Variants in SYCE2 observed in about 807,000 individuals in gnomAD.
SYCE2 encodes the protein synaptonemal complex central element protein 2, also known as central element synaptonemal complex 1.
In SYCE2, 3 loss-of-function variants were observed where a neutral mutation model predicts 27.9. That is an observed-to-expected ratio of 0.11 (90% CI 0.05 to 0.28). The LOEUF is 0.28. Ranked by LOEUF, SYCE2 falls within the 10% of genes least tolerant of loss-of-function variation. The pLI is 1.00. For synonymous variants in SYCE2, 85 were observed against 100.7 expected (o/e 0.84, Z 0.93); for missense variants, 207 against 263.5 (o/e 0.79, Z 1.48).
At position 12,899,097 on chromosome 19, in the gene SYCE2, A is replaced by T. The variant is rs1970768383; in HGVS notation, c.*244T>A. ...TGGCCAGGTTGAAAATCAAACATTT[A>T]ATAAACTGTGGGGCTGGGGGTGGGG... is the stretch of plus-strand genomic sequence containing the variant. On this transcript the variant is annotated 3_prime_UTR_variant, in exon 6 of 6. Coordinates refer to ENST00000293695, the MANE Select transcript of SYCE2 (RefSeq NM_001105578.2). The T allele has an allele frequency of 5.3e-6, 3 of 563,728 alleles. No individual in the cohort carries two copies. The allele number at this position is 563,728 out of a possible 1,614,324, so 34.9% of individuals were successfully genotyped here. A position where few individuals can be genotyped will look rare whatever the true frequency, so the allele number is the denominator to read the frequency against.
chr19:12,904,738 A>T, intron 2 of SYCE2, 72 bp from the exon 3 acceptor site: 1 of 1,552,198 alleles, frequency 6.4e-7, no homozygotes, highest in Non-Finnish European at 8.8e-7. Flanking sequence ...GTAGTCGCTC[A>T]TGCCTGTAAT....
Position 12,899,136 on chromosome 19 carries a change from G to T in SYCE2, c.*205C>A. The T allele has an allele frequency of 1.7e-6, 1 of 595,582 alleles. No individual in the cohort carries two copies. The allele number at this position is 595,582 out of a possible 1,614,324, so 36.9% of individuals were successfully genotyped here. On this transcript the variant is annotated 3_prime_UTR_variant, in exon 6 of 6. Coordinates refer to ENST00000293695, the MANE Select transcript of SYCE2 (RefSeq NM_001105578.2). Reference sequence around the variant, plus strand: ...CTGGGGGTGGGGAGAACTTGCCAAGGGTGGGGAGCACGAAGCCTGGGCCTA... The same window carrying T: ...CTGGGGGTGGGGAGAACTTGCCAAGTGTGGGGAGCACGAAGCCTGGGCCTA...
chr19:12,899,416 G>C, intron 5 of SYCE2, 31 bp from the exon 6 acceptor site: 1 of 1,614,062 alleles, frequency 6.2e-7, no homozygotes, highest in Non-Finnish European at 8.5e-7. Flanking sequence ...ATTTTAAAGG[G>C]AAGTTGTGAG....
intron 2 of SYCE2, among the ~76,000 whole-genome samples, chr19:12,907,627 C>T (rs1970960626): frequency 6.6e-6 from 1 of 151,854 alleles, no homozygotes; most frequent in Non-Finnish European, 1.5e-5. Context: ...CCCGTCTCTA[C>T]TAAAAATACA....
intron 5 of SYCE2, 145 bp from the exon 6 acceptor site, chr19:12,899,530 G>A: frequency 6.2e-7 from 1 of 1,614,160 alleles, no homozygotes. Flanking sequence ...GGCGTTCACG[G>A]CCAGCAAGTG....
chr19:12,906,780 C>G (rs951486138), intron 2 of SYCE2, among the ~76,000 whole-genome samples: 1 of 152,010 alleles, frequency 6.6e-6, no homozygotes, highest in Non-Finnish European at 1.5e-5. Context: ...CAGTGGCAGG[C>G]GCCTGTAATC....
In SYCE2 at chr19:12,899,254, A is replaced by G; in HGVS notation, c.*87T>C. 2.4e-6 allele frequency: 3 copies of G among 1,262,798 alleles called. No individual in the cohort carries two copies. The South Asian group carries it at 3.6e-5, about 15-fold the overall frequency. 78.2% of individuals were successfully genotyped at this position (1,262,798 alleles called of 1,614,324 possible). A position where few individuals can be genotyped will look rare whatever the true frequency, so the allele number is the denominator to read the frequency against. On this transcript the variant is annotated 3_prime_UTR_variant, in exon 6 of 6. Transcript: ENST00000293695. The stretch of plus-strand genomic sequence containing the variant: ...TGCCAAGATGCATTATAGAACCATG[A>G]AAAACAATTTCTCAGTGTGGCCCAA...
chr19:12,918,299 C>T lies in SYCE2; in HGVS notation c.54G>A (p.Pro18=), dbSNP rs374762191. 2.6e-5 allele frequency: 42 copies of T among 1,614,048 alleles called. No homozygotes were observed. The highest frequency in any genetic ancestry group is 3.1e-5 in the Non-Finnish European group (36 of 1,180,028). Residue 18 remains proline, a synonymous_variant, in exon 2 of 6, where the codon CCG becomes CCA. Coordinates refer to ENST00000293695, the MANE Select transcript of SYCE2 (RefSeq NM_001105578.2). ...VPHVKCKDQE[P]QPLGESKEHP... The stretch of plus-strand genomic sequence containing the variant: ...GCTCCTTGCTCTCCCCCAAGGGCTG[C>T]GGTTCCTGGTCTTTGCATTTCACAT...
intron 2 of SYCE2, among the ~76,000 whole-genome samples, chr19:12,907,442 T>C (rs998795673): frequency 1.3e-5 from 2 of 152,202 alleles, no homozygotes; most frequent in African/African-American, 4.8e-5. Flanking sequence ...ACAGAGCAGT[T>C]CCTGAATGCA....
intron 2 of SYCE2, among the ~76,000 whole-genome samples, chr19:12,916,785 TTC>T (rs1244194425): frequency 4.0e-5 from 6 of 149,498 alleles, no homozygotes; most frequent in African/African-American, 1.5e-4. Flanking sequence ...CTTTCTTTCT[TTC>T]TTTTTTTTCA....
chr19:12,913,435 G>A (rs1384100900), intron 2 of SYCE2, among the ~76,000 whole-genome samples: 2 of 152,154 alleles, frequency 1.3e-5, no homozygotes, highest in East Asian at 1.9e-4. Context: ...TATGACCACC[G>A]AGGGTGGCAG....
chr19:12,900,440 C>A lies in SYCE2; in HGVS notation c.495+20G>T. ...TGTCCTCTTCCTCAGGCAGCGCCCC[C>A]CCTGTGAGTTTACTCATACCTCAGG... is the stretch of plus-strand genomic sequence containing the variant. On this transcript the variant is annotated intron_variant, in intron 4 of 5. Coordinates refer to ENST00000293695, the MANE Select transcript of SYCE2 (RefSeq NM_001105578.2). 2.5e-6 allele frequency: 4 copies of A among 1,609,108 alleles called. No homozygotes were observed. The highest frequency in any genetic ancestry group is 3.4e-6 in the Non-Finnish European group (4 of 1,177,378).
At chr19:12,904,106 C>G (rs571740702) in intron 3 of SYCE2, among the ~76,000 whole-genome samples, 56 of 152,284 alleles carry the variant, frequency 3.7e-4, no homozygotes, top group African/African-American at 1.3e-3. Context: ...CTCGACCTTG[C>G]GTGAAGTAAG....
chr19:12,908,649 A>G (rs1201872948), intron 2 of SYCE2, among the ~76,000 whole-genome samples: 18 of 151,756 alleles, frequency 1.2e-4, no homozygotes, highest in Admixed American at 1.2e-3. Context: ...TCTTACCCCC[A>G]TTCACTTTTC....
At chr19:12,908,123 AGAGT>A (rs1364615196) in intron 2 of SYCE2, among the ~76,000 whole-genome samples, 1 of 152,042 alleles carries the variant, frequency 6.6e-6, no homozygotes, top group Non-Finnish European at 1.5e-5. Context: ...CCTGGGCGAC[AGAGT>A]GAGACCCTGT....
Position 12,900,661 on chromosome 19 carries a change from A to G in SYCE2, c.307-13T>C. 6.2e-7 allele frequency: 1 copy of G among 1,608,196 alleles called. No homozygotes were observed. The highest frequency in any genetic ancestry group is 8.5e-7 in the Non-Finnish European group (1 of 1,176,212). ...TCAGATCCGAAACCTGTTAAACAAT[A>G]AGATGTGTTCTCGGAAAATCAAACA... On this transcript the variant is annotated splice_polypyrimidine_tract_variant and intron_variant, in intron 3 of 5. Transcript: ENST00000293695.
chr19:12,899,207 G>A lies in SYCE2; in HGVS notation c.*134C>T, dbSNP rs1970771460. ...ACATTTTGGGAGTTCAGCACAAGGA[G>A]CTTTGGGTTTTTGTTTTTTTCTGCC... On this transcript the variant is annotated 3_prime_UTR_variant, in exon 6 of 6. Coordinates refer to ENST00000293695, the MANE Select transcript of SYCE2 (RefSeq NM_001105578.2). 4 of 797,848 alleles carry A rather than the reference G, an allele frequency of 5.0e-6. No individual in the cohort carries two copies. The highest frequency in any genetic ancestry group is 2.2e-5 in the Admixed American group (1 of 44,732). 49.4% of individuals were successfully genotyped at this position (797,848 alleles called of 1,614,324 possible).
intron 3 of SYCE2, 90 bp from the exon 4 acceptor site, chr19:12,900,738 T>G (rs916678871): frequency 7.9e-7 from 1 of 1,267,260 alleles, no homozygotes; most frequent in Non-Finnish European, 1.1e-6. Flanking sequence ...TTTCTGCAAT[T>G]TATCTTATGA....
intron 3 of SYCE2, 70 bp from the exon 4 acceptor site, chr19:12,900,718 G>C (rs1970817144): frequency 5.7e-6 from 8 of 1,407,958 alleles, no homozygotes; most frequent in Non-Finnish European, 7.8e-6. Context: ...TGTTAAGTGG[G>C]TTTCTTAGAT....
Sources: allele counts gnomAD v4.1 joint callset (sites outside exome capture counted in the v4.1 genomes callset), GRCh38; gene constraint gnomAD v4.1.1; transcripts MANE v1.5; gene names NCBI Gene and HGNC (gene_info 2026-07-23, HGNC 2026-07-21).